ABCC4: variants seen among roughly 807,000 people sequenced by gnomAD.
ABCC4 encodes ATP binding cassette subfamily C member 4 (PEL blood group).
ABCC4 carries 102 observed loss-of-function variants against 168.5 expected under a neutral mutation model. The observed-to-expected ratio is 0.61, with a 90% CI of 0.52 to 0.71. The LOEUF is 0.71. Among genes scored for constraint, ABCC4 ranks in the 30% least tolerant of loss-of-function variants. ABCC4 has a pLI of 0.00. For synonymous variants in ABCC4, 617 were observed against 590.7 expected (o/e 1.04, Z -0.65); for missense variants, 1,402 against 1,605.8 (o/e 0.87, Z 2.17).
At chr13:95,234,515 T>C in intron 4 of ABCC4, 95 bp downstream of exon 4, 1 of 1,008,630 alleles carries the variant, frequency 9.9e-7, no homozygotes, top group Admixed American at 2.1e-5. Flanking sequence ...TGGAGTGCAG[T>C]GGCTATTTAT....
At chr13:95,028,132 T>C (rs1377749972) in intron 30 of ABCC4, among the ~76,000 whole-genome samples, 1 of 152,160 alleles carries the variant, frequency 6.6e-6, no homozygotes, top group African/African-American at 2.4e-5. Flanking sequence ...ATCTGTGGAC[T>C]GAAAACCATA....
At chr13:95,029,105 C>T (rs899234704) in intron 30 of ABCC4, among the ~76,000 whole-genome samples, 1 of 149,488 alleles carries the variant, frequency 6.7e-6, no homozygotes, top group African/African-American at 2.5e-5. Flanking sequence ...CTGCAGTGAG[C>T]TGAGATTGCA....
At chr13:95,131,846 G>A (rs758233240) in intron 19 of ABCC4, among the ~76,000 whole-genome samples, 4 of 151,988 alleles carry the variant, frequency 2.6e-5, no homozygotes, top group Non-Finnish European at 4.4e-5. Flanking sequence ...TATATAGTTG[G>A]GGGATCATAA....
intron 3 of ABCC4, among the ~76,000 whole-genome samples, chr13:95,244,830 C>T (rs2040065349): frequency 6.6e-6 from 1 of 151,670 alleles, no homozygotes; most frequent in South Asian, 2.1e-4. Context: ...CTAAGCAGTA[C>T]TGAGCATGAG....
chr13:95,197,912 T>C (rs1322471461), intron 8 of ABCC4, among the ~76,000 whole-genome samples: 1 of 152,136 alleles, frequency 6.6e-6, no homozygotes, highest in East Asian at 1.9e-4. Flanking sequence ...AATAAAACCT[T>C]CATTTTCTGT....
chr13:95,068,969 T>C (rs926326772), intron 25 of ABCC4, among the ~76,000 whole-genome samples: 2 of 152,232 alleles, frequency 1.3e-5, no homozygotes, highest in African/African-American at 4.8e-5. Flanking sequence ...CAGAGTGGTC[T>C]CCACCTTCTT....
At chr13:95,096,948 A>C (rs1322934841) in intron 20 of ABCC4, among the ~76,000 whole-genome samples, 2 of 152,222 alleles carry the variant, frequency 1.3e-5, no homozygotes, top group African/African-American at 4.8e-5. Context: ...CATATGTATA[A>C]ATTTCTTTAA....
At chr13:95,064,254 G>A (rs920887506) in intron 25 of ABCC4, among the ~76,000 whole-genome samples, 1,549 of 22,408 alleles carry the variant, frequency 0.069, 11 homozygotes, top group Non-Finnish European at 0.084. Context: ...GGGTGTGTGT[G>A]TGTGTGTATA....
intron 19 of ABCC4, among the ~76,000 whole-genome samples, chr13:95,151,201 G>T (rs959856477): frequency 6.6e-6 from 1 of 152,106 alleles, no homozygotes; most frequent in East Asian, 1.9e-4. Context: ...TCCATTGTTG[G>T]TCTAGTGTGG....
chr13:95,064,297 T>TATATATATATATACACAC (rs1555306881), intron 25 of ABCC4, among the ~76,000 whole-genome samples: 2 of 105,330 alleles, frequency 1.9e-5, no homozygotes, highest in Non-Finnish European at 2.0e-5. Flanking sequence ...TATATATATA[T>TATATATATATATACACAC]ACACACACAC....
chr13:95,095,316 A>C (rs1222154972), intron 20 of ABCC4, among the ~76,000 whole-genome samples: 1 of 151,986 alleles, frequency 6.6e-6, no homozygotes, highest in Non-Finnish European at 1.5e-5. Flanking sequence ...CTATCTATCT[A>C]TCTATCTATC....
rs71111594 is a variant in ABCC4, at chr13:95,126,720, AATATATATATATATATAT to A, written c.2456-10737_2456-10720del. 1.6e-3 allele frequency among the ~76,000 whole-genome samples: 128 copies of A among 81,670 alleles called. 8 individuals carry two copies. Among genetic ancestry groups the A allele is most frequent in the East Asian group, 6.3e-3 (17 of 2,686 alleles). 53.6% of individuals were successfully genotyped at this position (81,670 alleles called of 152,430 possible). A position where few individuals can be genotyped will look rare whatever the true frequency, so the allele number is the denominator to read the frequency against. On this transcript the variant is annotated intron_variant, in intron 19 of 30. Coordinates refer to ENST00000645237, the MANE Select transcript of ABCC4 (RefSeq NM_005845.5). ...ATAAAAATGCATGAACTTTTTTTGG[AATATATATATATATATAT>A]ATATATATATATATATTCCAAAATA...
At position 95,295,783 on chromosome 13, in the gene ABCC4, T is replaced by C. The variant is rs371385072; in HGVS notation, c.74+5458A>G. Among the ~76,000 whole-genome samples the C allele has an allele frequency of 6.8e-4, 103 of 151,664 alleles. 1 individual carries two copies. Among genetic ancestry groups the C allele is most frequent in the African/African-American group, 2.4e-3 (99 of 41,336 alleles). The stretch of plus-strand genomic sequence containing the variant: ...TTCAAGACCAGCCTGGCCAACATAC[T>C]GAAACCCCATTTCTACTAAAAACAC... On this transcript the variant is annotated intron_variant, in intron 1 of 30. Transcript: ENST00000645237.
intron 20 of ABCC4, among the ~76,000 whole-genome samples, chr13:95,086,678 T>G (rs1181466786): frequency 6.6e-6 from 1 of 152,214 alleles, no homozygotes. Context: ...AACGAACATG[T>G]TTTCTATAAA....
intron 9 of ABCC4, among the ~76,000 whole-genome samples, chr13:95,191,164 A>G (rs1341512879): frequency 2.0e-5 from 3 of 152,242 alleles, no homozygotes; most frequent in Non-Finnish European, 4.4e-5. Context: ...TAAAATGCCC[A>G]AAAGACAGAA....
At chr13:95,283,361 GTTTTTTTTTTTTTTT>G (rs71113906) in intron 1 of ABCC4, among the ~76,000 whole-genome samples, 2 of 87,262 alleles carry the variant, frequency 2.3e-5, no homozygotes, top group Non-Finnish European at 2.3e-5. Flanking sequence ...TTTTTCTGTG[GTTTTTTTTTTTTTTT>G]TTTTTTTTTT....
intron 19 of ABCC4, among the ~76,000 whole-genome samples, chr13:95,159,133 A>ATATATG (rs59552400): frequency 2.4e-5 from 3 of 125,338 alleles, no homozygotes; most frequent in South Asian, 2.5e-4. Flanking sequence ...ATATATATAT[A>ATATATG]ACTATTGAAG....
At chr13:95,033,120 C>T (rs1234357597) in intron 30 of ABCC4, among the ~76,000 whole-genome samples, 1 of 151,922 alleles carries the variant, frequency 6.6e-6, no homozygotes, top group Non-Finnish European at 1.5e-5. Flanking sequence ...CAGGCAATCG[C>T]CACTTCACCC....
intron 19 of ABCC4, among the ~76,000 whole-genome samples, chr13:95,139,409 C>T (rs2036243702): frequency 6.6e-6 from 1 of 152,164 alleles, no homozygotes; most frequent in Admixed American, 6.5e-5. Context: ...AATGTGCCAG[C>T]TTGTTCCTGT....
Sources: gnomAD v4.1 joint callset for allele counts (sites outside exome capture counted in the v4.1 genomes callset) on GRCh38, gnomAD v4.1.1 for gene constraint, MANE v1.5 for transcripts, NCBI Gene and HGNC (gene_info 2026-07-23, HGNC 2026-07-21) for gene names.